ABCC6: variants seen among roughly 807,000 people sequenced by gnomAD.
ABCC6 encodes the protein ATP-binding cassette sub-family C member 6.
A neutral mutation model predicts 169.5 loss-of-function variants in ABCC6; 126 were observed. The ratio of observed to expected loss-of-function variants is 0.74; its 90% CI spans 0.64 to 0.86. The LOEUF (loss-of-function observed/expected upper bound fraction) is 0.86, where lower values mean the gene tolerates loss of function less well. Ranked by LOEUF, ABCC6 falls within the 40% of genes least tolerant of loss-of-function variation. The probability of loss-of-function intolerance (pLI) is 0.00; values close to 1 mark genes in which losing one functional copy is unlikely to be tolerated. For synonymous variants in ABCC6, 752 were observed against 814.7 expected (o/e 0.92, Z 1.31); for missense variants, 1,733 against 1,927.2 (o/e 0.90, Z 1.89).
At chr16:16,155,336 A>G (rs1480761213) in intron 27 of ABCC6, 4 of 470,886 alleles carry the variant, frequency 8.5e-6, no homozygotes, top group Non-Finnish European at 1.5e-5. Flanking sequence ...ATCATCTCTC[A>G]TCCTTTTTTC....
At chr16:16,185,168 A>C in intron 14 of ABCC6, 134 bp from the exon 15 acceptor site, 1 of 821,340 alleles carries the variant, frequency 1.2e-6, no homozygotes, top group Non-Finnish European at 2.0e-6. Context: ...CACTGAACAA[A>C]TTGCCCTGCT....
At position 16,182,580 on chromosome 16, in the gene ABCC6, C is replaced by T. The variant is rs189252048; in HGVS notation, c.2079G>A (p.Val693=). The T allele has an allele frequency of 1.5e-5, 24 of 1,612,328 alleles. No homozygotes were observed. The East Asian group carries it at 5.4e-4, about 36-fold the overall frequency. Residue 693 remains valine (V), a synonymous_variant, in exon 17 of 31, where the codon GTG becomes GTA. Transcript: ENST00000205557. ...CCCAGGCCTCCTGGGGCACGTAGGC[C>T]ACAGCACCCTAAAACACAACTTACT... ...VEGFVSIEGA[V]AYVPQEAWVQ...
rs373265460 is a variant in ABCC6, at chr16:16,205,376, A to T, written c.795-1763T>A. Among the ~76,000 whole-genome samples the T allele has an allele frequency of 3.5e-4, 54 of 152,316 alleles. No homozygotes were observed. The East Asian group carries it at 7.3e-3, about 21-fold the overall frequency. On this transcript the variant is annotated intron_variant, in intron 7 of 30. Transcript: ENST00000205557. Reference sequence around the variant, plus strand: ...CTAGATCTTGATTTATGGTTTGTAAAGGGTTTCTTGTGCACTAAGGACCCC... The same window carrying T: ...CTAGATCTTGATTTATGGTTTGTAATGGGTTTCTTGTGCACTAAGGACCCC...
chr16:16,150,933 T>C (rs979040688), intron 29 of ABCC6, among the ~76,000 whole-genome samples, 161 bp from the exon 30 acceptor site: 2 of 152,216 alleles, frequency 1.3e-5, no homozygotes, highest in African/African-American at 2.4e-5. Context: ...GCAGAACTGA[T>C]AGGAAGCCTG....
chr16:16,175,449 A>G (rs996479241), intron 20 of ABCC6, among the ~76,000 whole-genome samples: 1 of 152,190 alleles, frequency 6.6e-6, no homozygotes, highest in African/African-American at 2.4e-5. Context: ...CTGAGAAAAG[A>G]GGGGACCGGA....
Position 16,150,578 on chromosome 16 carries a change from C to T in ABCC6, c.4403G>A (p.Arg1468Gln), listed in dbSNP as rs761098006. 26 of 1,607,552 alleles carry T rather than the reference C, an allele frequency of 1.6e-5. No individual in the cohort carries two copies. Among genetic ancestry groups the T allele is most frequent in the South Asian group, 4.4e-5 (4 of 90,930 alleles). The change falls in exon 30 of 31, where the codon CGG (arginine) becomes CAG (glutamine). Residue 1468 changes from arginine (R) to glutamine (Q), a missense_variant and splice_region_variant. Coordinates refer to ENST00000205557, the MANE Select transcript of ABCC6 (RefSeq NM_001171.6). The stretch of plus-strand genomic sequence containing the variant: ...GGTCAGGCCGGGGCGGGAGCCTTAC[C>T]GGGCACAGTCCATCACGGAGCGCAG... ...HRLRSVMDCA[R>Q]VLVMDKGQVA... is the part of the protein sequence containing the mutation.
In ABCC6 at chr16:16,184,966, G is replaced by C; in HGVS notation, c.1936C>G (p.Leu646Val). ...FAWSQESPPC[L>V]HRINLTVPQG... ...ACGGGTGTCGTTCTGTACCTGTGGAGGCAGGGAGGGCTTTCCTGGGACCAG... is the reference window on the plus strand; with the variant it reads ...ACGGGTGTCGTTCTGTACCTGTGGACGCAGGGAGGGCTTTCCTGGGACCAG... The change falls in exon 15 of 31, where the codon CTC (leucine) becomes GTC (valine). Residue 646 changes from leucine (L) to valine (V), a missense_variant. By Grantham distance (32) the Leu-to-Val change is conservative (BLOSUM62 1). Transcript: ENST00000205557. 6.2e-7 allele frequency: 1 copy of C among 1,613,206 alleles called. No individual in the cohort carries two copies. Among genetic ancestry groups the C allele is most frequent in the South Asian group, 1.1e-5 (1 of 91,074 alleles).
chr16:16,211,242 A>G (rs2048607935), intron 6 of ABCC6, among the ~76,000 whole-genome samples: 1 of 151,764 alleles, frequency 6.6e-6, no homozygotes, highest in South Asian at 2.1e-4. Flanking sequence ...TCTCTACTAA[A>G]AATACAAAAT....
At position 16,217,807 on chromosome 16, in the gene ABCC6, C is replaced by T. The variant is rs71279216; in HGVS notation, c.474+1747G>A. 3.6e-4 allele frequency among the ~76,000 whole-genome samples: 54 copies of T among 151,718 alleles called. 1 individual carries two copies. The highest frequency in any genetic ancestry group is 1.2e-3 in the Admixed American group (19 of 15,258). Reference sequence around the variant, plus strand: ...GTTACTCTTTTAAAAACTCTGTCCTCGGTCAGGCGCTGTGGCTCACGCCTG... The same window carrying T: ...GTTACTCTTTTAAAAACTCTGTCCTTGGTCAGGCGCTGTGGCTCACGCCTG... On this transcript the variant is annotated intron_variant, in intron 4 of 30. Transcript: ENST00000205557.
At chr16:16,196,918 C>G (rs753928452) in intron 10 of ABCC6, among the ~76,000 whole-genome samples, 1 of 152,074 alleles carries the variant, frequency 6.6e-6, no homozygotes, top group Non-Finnish European at 1.5e-5. Context: ...GTCTGGAACT[C>G]CTGGCCTCAA....
Position 16,194,319 on chromosome 16 carries a change from C to T in ABCC6, c.1339-1397G>A, listed in dbSNP as rs2047963796. On this transcript the variant is annotated intron_variant, in intron 10 of 30. Transcript: ENST00000205557. ...AATCATCATACAGAATGCCCAGTTA[C>T]ATTTGAAGATAAAGAGTGAATAAGG... Among the ~76,000 whole-genome samples the T allele has an allele frequency of 2.0e-5, 3 of 152,240 alleles. No homozygotes were observed. The South Asian group carries it at 6.2e-4, about 31-fold the overall frequency.
chr16:16,192,737 C>T (rs998634748), intron 11 of ABCC6, 93 bp downstream of exon 11: 15 of 1,198,444 alleles, frequency 1.3e-5, no homozygotes, highest in South Asian at 2.6e-5. Context: ...CCCGTGGGCT[C>T]GCACTCAGCT....
chr16:16,192,309 G>A lies in ABCC6; in HGVS notation c.1431+521C>T, dbSNP rs566000105. Among the ~76,000 whole-genome samples the A allele has an allele frequency of 1.4e-4, 22 of 152,288 alleles. 1 individual carries two copies. The highest frequency in any genetic ancestry group is 1.2e-3 in the South Asian group (6 of 4,826). ...GGAAGCAATAAGGCCAGCTCAGGGC[G>A]GGCCTGGTGGGCCACTGTGGGGTCT... On this transcript the variant is annotated intron_variant, in intron 11 of 30. Transcript: ENST00000205557.
Position 16,173,318 on chromosome 16 carries a change from C to T in ABCC6, c.2753G>A (p.Trp918Ter). Residue 918 changes from tryptophan (W) to a stop codon, truncating the protein, a stop_gained, in exon 21 of 31, where the codon TGG becomes TAG. Transcript: ENST00000205557. LOFTEE classifies it high-confidence loss of function. The part of the protein sequence containing the change: ...VPLDDPDRAG[W>*]PAGKDSIQYG... ...TTGGATGCTGTCCTTTCCTGCTGGC[C>T]ATCCTGCCCTGTCAGGGTCATCCAG... The T allele has an allele frequency of 6.2e-7, 1 of 1,614,036 alleles. No homozygotes were observed. Among genetic ancestry groups the T allele is most frequent in the South Asian group, 1.1e-5 (1 of 91,080 alleles).
At chr16:16,175,082 A>C (rs1172108835) in intron 20 of ABCC6, among the ~76,000 whole-genome samples, 4 of 151,980 alleles carry the variant, frequency 2.6e-5, no homozygotes, top group South Asian at 2.1e-4. Flanking sequence ...CCCAGCCTTA[A>C]TGTGTCTACT....
At position 16,169,823 on chromosome 16, in the gene ABCC6, G is replaced by T. The variant is rs1342646819; in HGVS notation, c.2818C>A (p.Arg940Ser). Reference sequence around the variant, plus strand: ...AGGCAGAGGGGGGTGCCCACGGCACGCAGGTAGGCCAGGTGCACTGTGGCC... The same window carrying T: ...AGGCAGAGGGGGGTGCCCACGGCACTCAGGTAGGCCAGGTGCACTGTGGCC... ...VKATVHLAYL[R>S]AVGTPLCLYA... Residue 940 changes from arginine to serine, a missense_variant, in exon 22 of 31, where the codon CGT becomes AGT. This residue lies in a region of ABCC6 where 1,601 missense variants were observed against 1,635.5 expected (regional missense o/e 0.98). Transcript: ENST00000205557. 1.3e-6 allele frequency: 2 copies of T among 1,560,064 alleles called. No homozygotes were observed. The highest frequency in any genetic ancestry group is 1.9e-5 in the Admixed American group (1 of 51,790).
At chr16:16,158,021 T>G (rs902718185) in intron 26 of ABCC6, among the ~76,000 whole-genome samples, 1 of 152,200 alleles carries the variant, frequency 6.6e-6, no homozygotes, top group Non-Finnish European at 1.5e-5. Flanking sequence ...TATTTTATTG[T>G]TATTATTAGC....
At position 16,177,445 on chromosome 16, in the gene ABCC6, C is replaced by T; in HGVS notation, c.2590+7G>A. On this transcript the variant is annotated splice_region_variant and intron_variant, in intron 19 of 30. Coordinates refer to ENST00000205557, the MANE Select transcript of ABCC6 (RefSeq NM_001171.6). ...GGCCTGGAGAATCAGCAAAGCCCACCTAGTACCTCCTTCTCCTCTATCTCC... is the reference window on the plus strand; with the variant it reads ...GGCCTGGAGAATCAGCAAAGCCCACTTAGTACCTCCTTCTCCTCTATCTCC... 6.2e-7 allele frequency: 1 copy of T among 1,614,046 alleles called. No homozygotes were observed. Among genetic ancestry groups the T allele is most frequent in the Non-Finnish European group, 8.5e-7 (1 of 1,180,042 alleles).
chr16:16,193,227 C>T (rs7201601), intron 10 of ABCC6, among the ~76,000 whole-genome samples: 53,383 of 151,986 alleles, frequency 0.35, 10,772 homozygotes, highest in Non-Finnish European at 0.47. Context: ...ACTCCACCAG[C>T]GCCATGACAG....
Sources: gnomAD v4.1 joint callset for allele counts (sites outside exome capture counted in the v4.1 genomes callset) on GRCh38, gnomAD v4.1.1 for gene constraint, gnomAD v4.1.1 regional missense constraint, MANE v1.5 for transcripts, NCBI Gene and HGNC (gene_info 2026-07-23, HGNC 2026-07-21) for gene names.